The following JMJD1C variants were observed in gnomAD, a reference collection of about 807,000 sequenced individuals.
The protein encoded by JMJD1C is jumonji domain containing 1C.
In JMJD1C, 31 loss-of-function variants were observed where a neutral mutation model predicts 245.3. The observed-to-expected ratio is 0.13, with a 90% CI of 0.09 to 0.17. The LOEUF is 0.17. JMJD1C is among the 10% of genes least tolerant of loss of function. The pLI is 1.00. For synonymous variants in JMJD1C, 1,057 were observed against 1,017.4 expected, an observed-to-expected ratio of 1.04 and a Z score of -0.74; for missense variants, 2,691 against 3,000.2, an observed-to-expected ratio of 0.90 and a Z score of 2.41.
intron 1 of JMJD1C, among the ~76,000 whole-genome samples, chr10:63,499,796 A>C (rs74137765): frequency 0.035 from 5,294 of 152,344 alleles, 251 homozygotes; most frequent in African/African-American, 0.11. Flanking sequence ...TTAAAAAGCA[A>C]ATTTATAAAC....
intron 2 of JMJD1C, among the ~76,000 whole-genome samples, chr10:63,278,593 G>A (rs954786250): frequency 1.3e-5 from 2 of 151,746 alleles, no homozygotes; most frequent in African/African-American, 4.8e-5. Context: ...TACTGTTGCC[G>A]AGCGTGTGAT....
intron 20 of JMJD1C, 78 bp downstream of exon 20, chr10:63,185,485 A>G: frequency 1.2e-6 from 1 of 825,632 alleles, no homozygotes; most frequent in Non-Finnish European, 2.1e-6. Context: ...GGTCACATTT[A>G]CGGTTACTTA....
intron 2 of JMJD1C, 177 bp downstream of exon 2, chr10:63,380,141 G>A (rs1246661411): frequency 1.2e-5 from 6 of 489,704 alleles, no homozygotes; most frequent in Middle Eastern, 5.4e-4. Context: ...ATGGGGTCTC[G>A]CTTTTTTGCC....
intron 1 of JMJD1C, among the ~76,000 whole-genome samples, chr10:63,517,043 A>T (rs1463677662): frequency 1.3e-5 from 2 of 152,196 alleles, no homozygotes. Flanking sequence ...TTTTCTAAAC[A>T]ACTATGAAAG....
At chr10:63,198,992 GA>G (rs1845741016) in intron 11 of JMJD1C, among the ~76,000 whole-genome samples, 1 of 152,066 alleles carries the variant, frequency 6.6e-6, no homozygotes, top group African/African-American at 2.4e-5. Flanking sequence ...CCAATAAAAT[GA>G]AAACTGTTTA....
At chr10:63,418,909 T>C (rs1223348394) in intron 1 of JMJD1C, among the ~76,000 whole-genome samples, 1 of 151,764 alleles carries the variant, frequency 6.6e-6, no homozygotes, top group Non-Finnish European at 1.5e-5. Flanking sequence ...AAACTCTGTC[T>C]GTACCAAAAA....
intron 1 of JMJD1C, among the ~76,000 whole-genome samples, chr10:63,383,128 A>G (rs994661818): frequency 5.9e-5 from 9 of 152,052 alleles, no homozygotes; most frequent in African/African-American, 2.4e-5. Flanking sequence ...CTTAGACTCA[A>G]TCATGGTCTT....
At chr10:63,481,723 C>A (rs918326540) in intron 1 of JMJD1C, among the ~76,000 whole-genome samples, 1 of 152,094 alleles carries the variant, frequency 6.6e-6, no homozygotes, top group Admixed American at 6.5e-5. Context: ...TTTATTCAGA[C>A]CATTTTGAGG....
chr10:63,380,383 C>G lies in JMJD1C; in HGVS notation c.268G>C (p.Ala90Pro). 1 of 1,613,922 alleles carries G rather than the reference C, an allele frequency of 6.2e-7. No individual in the cohort carries two copies. The highest frequency in any genetic ancestry group is 8.5e-7 in the Non-Finnish European group (1 of 1,179,894). ...GTCTGGCTAGGGTCATTCCTTTTGG[C>G]CCAGATTAAGTGGTATTCCACCAAG... ...TFLVEYHLIW[A>P]KRNDPSQTQG... Residue 90 changes from alanine to proline, a missense_variant, in exon 2 of 26, where the codon GCC (alanine) becomes CCC (proline). Ala to Pro is a conservative substitution (Grantham distance 27). This residue lies in a region of JMJD1C where 172 missense variants were observed against 240.8 expected (regional missense o/e 0.71). Coordinates refer to ENST00000399262, the MANE Select transcript of JMJD1C (RefSeq NM_032776.3).
rs1845013350 is a variant in JMJD1C, at chr10:63,192,931, T to C, written c.6076+7A>G. The C allele has an allele frequency of 1.0e-5, 16 of 1,602,058 alleles. No homozygotes were observed. Among genetic ancestry groups the C allele is most frequent in the Admixed American group, 1.7e-5 (1 of 59,984 alleles). ...TCACACATGCCTAGATAATCAATTATGTTTACCTTTTTTTTCCTCTCTGGC... is the reference window on the plus strand; with the variant it reads ...TCACACATGCCTAGATAATCAATTACGTTTACCTTTTTTTTCCTCTCTGGC... On this transcript the variant is annotated splice_region_variant and intron_variant, in intron 16 of 25. Coordinates refer to ENST00000399262, the MANE Select transcript of JMJD1C (RefSeq NM_032776.3).
chr10:63,385,908 G>A (rs534007979), intron 1 of JMJD1C, among the ~76,000 whole-genome samples: 1 of 145,994 alleles, frequency 6.8e-6, no homozygotes, highest in South Asian at 2.1e-4. Flanking sequence ...AGAAAAAAAT[G>A]AAGAAGAAAT....
chr10:63,416,832 A>G (rs1329127045), intron 1 of JMJD1C, among the ~76,000 whole-genome samples: 2 of 152,214 alleles, frequency 1.3e-5, no homozygotes, highest in African/African-American at 4.8e-5. Context: ...ATATGTATAC[A>G]AAACTCTAAT....
intron 2 of JMJD1C, among the ~76,000 whole-genome samples, chr10:63,360,975 C>T (rs754700547): frequency 6.6e-6 from 1 of 152,066 alleles, no homozygotes; most frequent in South Asian, 2.1e-4. Flanking sequence ...CCATTAAATA[C>T]TTTCAATTGT....
chr10:63,311,206 A>AT (rs1298764053), intron 2 of JMJD1C, among the ~76,000 whole-genome samples: 1 of 136,120 alleles, frequency 7.3e-6, no homozygotes, highest in Non-Finnish European at 1.7e-5. Context: ...CCCCGGCTCT[A>AT]TTAAAAAAAA....
chr10:63,404,485 T>C (rs2132615190), intron 1 of JMJD1C, among the ~76,000 whole-genome samples: 1 of 152,284 alleles, frequency 6.6e-6, no homozygotes, highest in South Asian at 2.1e-4. Flanking sequence ...CTCCGGGGGA[T>C]CCTTGTGCCT....
chr10:63,247,868 C>G (rs1208688725), intron 3 of JMJD1C, among the ~76,000 whole-genome samples: 1 of 144,988 alleles, frequency 6.9e-6, no homozygotes, highest in African/African-American at 2.5e-5. Flanking sequence ...ACAAAACAAA[C>G]AAAGAAGAGG....
At chr10:63,170,208 A>G (rs960012841) in intron 24 of JMJD1C, among the ~76,000 whole-genome samples, 51 of 152,106 alleles carry the variant, frequency 3.4e-4, no homozygotes, top group African/African-American at 1.2e-3. Context: ...CTCTTTGAGC[A>G]TATTTAAGAC....
rs1841961714 is a variant in JMJD1C at position 63,167,496 on chromosome 10, G to T, written c.*549C>A. ...CAGTCAATAGCTTCAACAAAATATT[G>T]AAGTGTCTGTATTTAGTATCTACTT... On this transcript the variant is annotated 3_prime_UTR_variant, in exon 26 of 26. Coordinates refer to ENST00000399262, the MANE Select transcript of JMJD1C (RefSeq NM_032776.3). 1 of 152,482 alleles carries T rather than the reference G, an allele frequency of 6.6e-6. No individual in the cohort carries two copies. The highest frequency in any genetic ancestry group is 1.5e-5 in the Non-Finnish European group (1 of 67,994). The allele number at this position is 152,482 out of a possible 1,614,324, so 9.4% of individuals were successfully genotyped here.
intron 1 of JMJD1C, among the ~76,000 whole-genome samples, chr10:63,488,782 T>C (rs1161143829): frequency 6.6e-6 from 1 of 152,214 alleles, no homozygotes; most frequent in Non-Finnish European, 1.5e-5. Context: ...TAAGGGAAAT[T>C]GATAACCTGC....
Sources: gnomAD v4.1 joint callset for allele counts (sites outside exome capture counted in the v4.1 genomes callset) on GRCh38, gnomAD v4.1.1 for gene constraint, gnomAD v4.1.1 regional missense constraint, MANE v1.5 for transcripts, NCBI Gene and HGNC (gene_info 2026-07-23, HGNC 2026-07-21) for gene names.